WDR41: variants seen among roughly 807,000 people sequenced by gnomAD.
The protein encoded by WDR41 is WD repeat domain 41.
In WDR41, 63 loss-of-function variants were observed where a neutral mutation model predicts 69.3. The observed-to-expected ratio is 0.91, with a 90% CI of 0.74 to 1.12. The LOEUF (loss-of-function observed/expected upper bound fraction) is 1.12. WDR41 is among the 50% of genes most tolerant of loss of function. The probability of loss-of-function intolerance (pLI) is 0.00; values close to 1 mark genes in which losing one functional copy is unlikely to be tolerated. For missense variants in WDR41, 543 were observed against 534.5 expected, an observed-to-expected ratio of 1.02 and a Z score of -0.16; for synonymous variants, 185 against 192.1, an observed-to-expected ratio of 0.96 and a Z score of 0.31.
rs185000639 is a variant in WDR41, at chr5:77,619,848, G to A, written c.42+631C>T. On this transcript the variant is annotated intron_variant, in intron 1 of 5. Coordinates refer to the WDR41 transcript ENST00000509971. Reference sequence around the variant, plus strand: ...GCTTCGCATAGGAGAAGTCAGCAATGCCAAAAGGTGCCTCTGTATACTTAG... The same window carrying A: ...GCTTCGCATAGGAGAAGTCAGCAATACCAAAAGGTGCCTCTGTATACTTAG... Among the ~76,000 whole-genome samples the A allele has an allele frequency of 2.6e-5, 4 of 152,238 alleles. No individual in the cohort carries two copies. The East Asian group carries it at 7.7e-4, about 29-fold the overall frequency.
At position 77,451,309 on chromosome 5, in the gene WDR41, C is replaced by A. The variant is rs1330142344; in HGVS notation, c.568G>T (p.Ala190Ser). The change falls in exon 7 of 13, where the codon GCA becomes TCA. Residue 190 changes from alanine to serine, a missense_variant. Ala to Ser is a moderately conservative substitution (Grantham distance 99). Coordinates refer to ENST00000296679, the MANE Select transcript of WDR41 (RefSeq NM_018268.4). ...VEIPKNCVVA[A>S]VGKELIIFRL... ...TACTCACTCAGTTCTTTGCCAACTGCTGCCACAACACAGTTCTTAGGTATT... is the reference window on the plus strand; with the variant it reads ...TACTCACTCAGTTCTTTGCCAACTGATGCCACAACACAGTTCTTAGGTATT... The A allele has an allele frequency of 6.2e-7, 1 of 1,613,730 alleles. No individual in the cohort carries two copies. The highest frequency in any genetic ancestry group is 1.7e-5 in the Admixed American group (1 of 60,012).
chr5:77,434,212 G>A (rs574404659), intron 12 of WDR41, among the ~76,000 whole-genome samples: 7 of 152,206 alleles, frequency 4.6e-5, no homozygotes, highest in East Asian at 3.9e-4. Flanking sequence ...TCGGGAGGCC[G>A]AGGAAAGAGA....
At chr5:77,463,751 G>A (rs466219) in intron 3 of WDR41, among the ~76,000 whole-genome samples, 95,734 of 152,076 alleles carry the variant, frequency 0.63, 31,790 homozygotes, top group African/African-American at 0.84. Context: ...TACCCATCCA[G>A]TGTCTTCATC....
chr5:77,475,423 C>G (rs1240713054), intron 2 of WDR41, among the ~76,000 whole-genome samples: 1 of 152,222 alleles, frequency 6.6e-6, no homozygotes, highest in Non-Finnish European at 1.5e-5. Context: ...ATGTCCCTGT[C>G]TGATAGCTTT....
chr5:77,556,148 G>A (rs976543351), intron 1 of WDR41, among the ~76,000 whole-genome samples: 5 of 132,088 alleles, frequency 3.8e-5, no homozygotes, highest in African/African-American at 1.2e-4. Flanking sequence ...TCTGTTGCCA[G>A]GCTGAAGTGC....
At position 77,582,999 on chromosome 5, in the gene WDR41, G is replaced by A. The variant is rs1256213428; in HGVS notation, c.42+37480C>T. On this transcript the variant is annotated intron_variant, in intron 1 of 5. Coordinates refer to the WDR41 transcript ENST00000509971. ...GCTTCAAAGAGGCAAATAACTTCCT[G>A]TGGCCCTTCAAATTGTCTTCTCCAC... 6.2e-6 allele frequency: 10 copies of A among 1,600,594 alleles called. No individual in the cohort carries two copies. In the East Asian group the frequency reaches 2.0e-4, roughly 32 times the overall value.
chr5:77,591,501 G>A (rs1288648547), intron 1 of WDR41, among the ~76,000 whole-genome samples: 1 of 151,976 alleles, frequency 6.6e-6, no homozygotes, highest in Non-Finnish European at 1.5e-5. Context: ...TTTGATGGTA[G>A]CCAGCCTTTC....
At chr5:77,517,516 C>T (rs1432918810) in intron 1 of WDR41, among the ~76,000 whole-genome samples, 2 of 152,084 alleles carry the variant, frequency 1.3e-5, no homozygotes, top group Non-Finnish European at 2.9e-5. Flanking sequence ...TCCTTCATCT[C>T]ACAGATCTAG....
At chr5:77,575,708 C>G (rs1743818913) in intron 1 of WDR41, among the ~76,000 whole-genome samples, 1 of 152,004 alleles carries the variant, frequency 6.6e-6, no homozygotes, top group Non-Finnish European at 1.5e-5. Flanking sequence ...CCTTTTTTTT[C>G]TGTGTGTCAT....
chr5:77,605,650 TG>T (rs1215759518), intron 1 of WDR41, among the ~76,000 whole-genome samples: 1 of 152,120 alleles, frequency 6.6e-6, no homozygotes, highest in Non-Finnish European at 1.5e-5. Context: ...GAGGAATGCA[TG>T]AGGATGGCAG....
At chr5:77,482,118 C>A (rs972080984) in intron 2 of WDR41, among the ~76,000 whole-genome samples, 1 of 152,160 alleles carries the variant, frequency 6.6e-6, no homozygotes, top group Non-Finnish European at 1.5e-5. Flanking sequence ...TAAAAAGCCA[C>A]ATGTACTCAT....
chr5:77,540,557 T>C (rs1448460436), intron 1 of WDR41: 1 of 152,086 alleles, frequency 6.6e-6, no homozygotes, highest in Middle Eastern at 3.2e-3. Context: ...TAACAAAAAT[T>C]AGTCAGGTGT....
At chr5:77,546,287 A>C (rs1743197048) in intron 1 of WDR41, 1 of 313,970 alleles carries the variant, frequency 3.2e-6, no homozygotes, top group Non-Finnish European at 5.8e-6. Flanking sequence ...CAAGAAAAAT[A>C]AAGTGAATGA....
chr5:77,606,468 T>A (rs985213588), intron 1 of WDR41, among the ~76,000 whole-genome samples: 1 of 152,134 alleles, frequency 6.6e-6, no homozygotes, highest in Non-Finnish European at 1.5e-5. Flanking sequence ...CTCAAATGGA[T>A]ACAGGAACAA....
At chr5:77,507,751 C>T (rs1410854766) in intron 1 of WDR41, among the ~76,000 whole-genome samples, 1 of 152,112 alleles carries the variant, frequency 6.6e-6, no homozygotes. Flanking sequence ...TTTGTTTATT[C>T]TACTTAGAGT....
chr5:77,564,336 T>C (rs1743577858), intron 1 of WDR41, among the ~76,000 whole-genome samples: 1 of 152,182 alleles, frequency 6.6e-6, no homozygotes, highest in Admixed American at 6.6e-5. Context: ...AGAGAATTGC[T>C]TGAGGCCAGG....
At chr5:77,545,952 G>T in intron 1 of WDR41, 3 of 489,688 alleles carry the variant, frequency 6.1e-6, no homozygotes, top group South Asian at 3.2e-5. Context: ...AGGCCGCTGT[G>T]GCTCCGTGCT....
At chr5:77,561,436 T>G (rs1190309175) in intron 1 of WDR41, among the ~76,000 whole-genome samples, 1 of 152,154 alleles carries the variant, frequency 6.6e-6, no homozygotes, top group African/African-American at 2.4e-5. Context: ...ATTATTTAGT[T>G]TTGATACTTT....
chr5:77,587,372 A>C (rs1287782203), intron 1 of WDR41, among the ~76,000 whole-genome samples: 1 of 152,174 alleles, frequency 6.6e-6, no homozygotes, highest in Non-Finnish European at 1.5e-5. Context: ...CTAGGAGTCA[A>C]ATTGCTGGGT....
Sources: allele counts gnomAD v4.1 joint callset (sites outside exome capture counted in the v4.1 genomes callset), GRCh38; gene constraint gnomAD v4.1.1; transcripts MANE v1.5; gene names NCBI Gene and HGNC (gene_info 2026-07-23, HGNC 2026-07-21).